ACER1: variants seen among roughly 807,000 people sequenced by gnomAD.
ACER1 encodes CTB-180A7.3.
ACER1 carries 28 observed loss-of-function variants against 24.9 expected under a neutral mutation model. That is an observed-to-expected ratio of 1.13 (90% CI 0.83 to 1.54). The LOEUF is 1.54. Ranked by LOEUF, ACER1 falls within the 40% of genes most tolerant of loss-of-function variation. The probability of loss-of-function intolerance (pLI) is 0.00; values close to 1 mark genes in which losing one functional copy is unlikely to be tolerated. For synonymous variants in ACER1, 132 were observed against 131.4 expected (o/e 1.00, Z -0.03); for missense variants, 352 against 349.3 (o/e 1.01, Z -0.06).
the ACER1 span, among the ~76,000 whole-genome samples, chr19:6,347,043 C>A: frequency 7.0e-6 from 1 of 142,868 alleles, no homozygotes; most frequent in Non-Finnish European, 1.5e-5. Flanking sequence ...GGGAGTATCG[C>A]TTGAGGTCAG....
At position 6,309,686 on chromosome 19, in the gene ACER1, C is replaced by G. The variant is rs777436060; in HGVS notation, c.488+11G>C. ...GAGCCTCCTGCCCAGGCACCTGCAG[C>G]CTTCACTCACTTCCTGTACTCCTGG... On this transcript the variant is annotated intron_variant, in intron 4 of 5. Transcript: ENST00000301452. 2 of 1,613,666 alleles carry G rather than the reference C, an allele frequency of 1.2e-6. No homozygotes were observed. The highest frequency in any genetic ancestry group is 8.5e-7 in the Non-Finnish European group (1 of 1,179,850).
At chr19:6,340,356 GAA>G in the ACER1 span, among the ~76,000 whole-genome samples, 1 of 58,872 alleles carries the variant, frequency 1.7e-5, no homozygotes, top group Non-Finnish European at 3.6e-5. Flanking sequence ...AGGAAGGAAG[GAA>G]GGAAGGAAGG....
At chr19:6,326,766 G>C (rs2091663625) in intron 1 of ACER1, among the ~76,000 whole-genome samples, 1 of 152,110 alleles carries the variant, frequency 6.6e-6, no homozygotes, top group South Asian at 2.1e-4. Flanking sequence ...TCATCCAGCA[G>C]CGGTGGGTTT....
chr19:6,323,517 C>G (rs552538593), intron 1 of ACER1, among the ~76,000 whole-genome samples: 2 of 152,186 alleles, frequency 1.3e-5, no homozygotes, highest in Non-Finnish European at 2.9e-5. Context: ...ACTTGCTCCT[C>G]CTTGCCTTCC....
chr19:6,324,805 A>G (rs2091651054), intron 1 of ACER1, among the ~76,000 whole-genome samples: 1 of 150,548 alleles, frequency 6.6e-6, no homozygotes, highest in South Asian at 2.1e-4. Context: ...GAAGAAAGAA[A>G]GAGAAAGAAG....
chr19:6,351,987 C>T, the ACER1 span, among the ~76,000 whole-genome samples: 1 of 143,888 alleles, frequency 6.9e-6, no homozygotes, highest in African/African-American at 2.6e-5. Flanking sequence ...ACCTGGGTGG[C>T]GGAGCTTGCA....
At chr19:6,334,625 G>A (rs983446712), upstream of ACER1, among the ~76,000 whole-genome samples, 12 of 152,128 alleles carry the variant, frequency 7.9e-5, no homozygotes, top group African/African-American at 1.7e-4. Context: ...GGGATTATAC[G>A]CATGAGCCAC....
At chr19:6,340,410 A>G in the ACER1 span, among the ~76,000 whole-genome samples, 937 of 152,032 alleles carry the variant, frequency 6.2e-3, 11 homozygotes, top group African/African-American at 0.02. Context: ...GACTCTGTAT[A>G]GCACCCCTCC....
At chr19:6,308,201 G>A (rs1185040101) in intron 4 of ACER1, among the ~76,000 whole-genome samples, 9 of 152,112 alleles carry the variant, frequency 5.9e-5, no homozygotes, top group East Asian at 1.9e-4. Context: ...TTGGGAGGCC[G>A]AGGCGGGCAG....
the ACER1 span, among the ~76,000 whole-genome samples, chr19:6,343,393 C>G: frequency 6.6e-6 from 1 of 152,046 alleles, no homozygotes; most frequent in Non-Finnish European, 1.5e-5. Flanking sequence ...TCCATCCCAA[C>G]ACGTGACCTC....
At chr19:6,346,370 C>T in the ACER1 span, among the ~76,000 whole-genome samples, 1 of 152,040 alleles carries the variant, frequency 6.6e-6, no homozygotes, top group South Asian at 2.1e-4. Context: ...ACTGCCTCCT[C>T]TACCTAAATC....
intron 1 of ACER1, among the ~76,000 whole-genome samples, chr19:6,332,312 C>T (rs2091691739): frequency 1.4e-5 from 2 of 140,000 alleles, no homozygotes; most frequent in East Asian, 2.1e-4. Flanking sequence ...CCTCTGTCAC[C>T]CAGGCTGGAG....
At chr19:6,337,639 CTTTTCTTTTCTTTCTTTCTTTCTTTT>C (rs1476882727), upstream of ACER1, among the ~76,000 whole-genome samples, 742 of 57,930 alleles carry the variant, frequency 0.013, 27 homozygotes, top group African/African-American at 0.047. Flanking sequence ...TTTTCTTTTT[CTTTTCTTTTCTTTCTTTCTTTCTTTT>C]TTTTTTTTTT....
At chr19:6,355,619 G>GT in the ACER1 span, among the ~76,000 whole-genome samples, 1 of 146,300 alleles carries the variant, frequency 6.8e-6, no homozygotes, top group Non-Finnish European at 1.5e-5. Context: ...CGGGAGGGAG[G>GT]TGGGGGGGGT....
At chr19:6,341,572 T>C in the ACER1 span, among the ~76,000 whole-genome samples, 1 of 151,380 alleles carries the variant, frequency 6.6e-6, no homozygotes, top group African/African-American at 2.4e-5. Context: ...AAAAAGGAAC[T>C]ATACCCATCT....
chr19:6,355,673 C>A, the ACER1 span, among the ~76,000 whole-genome samples: 2 of 130,930 alleles, frequency 1.5e-5, no homozygotes, highest in Admixed American at 7.2e-5. Context: ...AGGTGAGGGG[C>A]GCCTCTGCCC....
At chr19:6,341,282 C>G in the ACER1 span, among the ~76,000 whole-genome samples, 2 of 150,032 alleles carry the variant, frequency 1.3e-5, no homozygotes, top group South Asian at 4.2e-4. Flanking sequence ...TGCAAACCAG[C>G]CTGGGCAACA....
At chr19:6,323,282 A>T (rs910916891) in intron 1 of ACER1, among the ~76,000 whole-genome samples, 78 of 151,796 alleles carry the variant, frequency 5.1e-4, no homozygotes, top group Admixed American at 1.2e-3. Flanking sequence ...TAGCTGGGCG[A>T]GGTGGCGGGT....
chr19:6,340,314 AGGAAGGAAGGAAGGAAGGAAG>A, the ACER1 span, among the ~76,000 whole-genome samples: 75 of 34,458 alleles, frequency 2.2e-3, no homozygotes, highest in African/African-American at 8.7e-3. Context: ...GAAGGAAGGA[AGGAAGGAAGGAAGGAAGGAAG>A]GAAGGAAGGA....
Sources: gnomAD v4.1 joint callset for allele counts (sites outside exome capture counted in the v4.1 genomes callset) on GRCh38, gnomAD v4.1.1 for gene constraint, MANE v1.5 for transcripts, NCBI Gene and HGNC (gene_info 2026-07-23, HGNC 2026-07-21) for gene names.